The following GTF2IRD1 variants were observed in gnomAD, a reference collection of about 807,000 sequenced individuals.
GTF2IRD1 encodes GTF2I repeat domain containing 1.
GTF2IRD1 carries 26 observed loss-of-function variants against 113.2 expected under a neutral mutation model. The ratio of observed to expected loss-of-function variants is 0.23; its 90% confidence interval spans 0.17 to 0.32. The LOEUF (loss-of-function observed/expected upper bound fraction) is 0.32. Ranked by LOEUF, GTF2IRD1 falls within the 10% of genes least tolerant of loss-of-function variation. The pLI, the probability that GTF2IRD1 is intolerant of heterozygous loss-of-function variation, is 1.00. For synonymous variants in GTF2IRD1, 484 were observed against 529.1 expected, an observed-to-expected ratio of 0.91 and a Z score of 1.17; for missense variants, 864 against 1,280.8, an observed-to-expected ratio of 0.67 and a Z score of 4.97.
chr7:74,486,106 G>A (rs1554335540), intron 1 of GTF2IRD1, among the ~76,000 whole-genome samples: 2 of 152,004 alleles, frequency 1.3e-5, no homozygotes, highest in African/African-American at 4.8e-5. Flanking sequence ...GAGTAGCTGG[G>A]ATTATAGGTG....
chr7:74,580,217 G>A (rs1801330414), intron 22 of GTF2IRD1, among the ~76,000 whole-genome samples: 1 of 152,178 alleles, frequency 6.6e-6, no homozygotes, highest in Non-Finnish European at 1.5e-5. Flanking sequence ...TGGTGCAATC[G>A]CTGCAGCCGT....
At chr7:74,562,555 C>CTTT (rs1167468655) in intron 22 of GTF2IRD1, among the ~76,000 whole-genome samples, 834 of 62,688 alleles carry the variant, frequency 0.013, 193 homozygotes, top group African/African-American at 0.047. Flanking sequence ...CAATTGCCCT[C>CTTT]TTTTTTTTTT....
At chr7:74,491,856 C>T (rs1795365536) in intron 1 of GTF2IRD1, among the ~76,000 whole-genome samples, 1 of 152,118 alleles carries the variant, frequency 6.6e-6, no homozygotes, top group Admixed American at 6.6e-5. Context: ...TAAGGGATTG[C>T]CGGGTCCAAT....
chr7:74,510,045 G>T (rs1584556188), intron 2 of GTF2IRD1, among the ~76,000 whole-genome samples: 2 of 152,068 alleles, frequency 1.3e-5, no homozygotes, highest in East Asian at 1.9e-4. Flanking sequence ...CCTCCTTCAA[G>T]CTGTTCCTGC....
chr7:74,498,713 C>T (rs1330883318), intron 1 of GTF2IRD1, among the ~76,000 whole-genome samples: 1 of 149,250 alleles, frequency 6.7e-6, no homozygotes, highest in Non-Finnish European at 1.5e-5. Context: ...GTCCTTCTTT[C>T]GTGGTCCTGT....
rs576870700 is a variant in GTF2IRD1 at position 74,495,407 on chromosome 7, G to T, written c.-6-12668G>T. Among the ~76,000 whole-genome samples, 4 of 152,326 alleles carry T rather than the reference G, an allele frequency of 2.6e-5. No homozygotes were observed. The East Asian group carries it at 7.7e-4, about 29-fold the overall frequency. On this transcript the variant is annotated intron_variant, in intron 1 of 26. Transcript: ENST00000424337. ...ACGTCACACCCCATCGGGCTCCCTT[G>T]TGCCTTAGTGCCTTTGCCTGAGCTG...
At chr7:74,483,620 G>A (rs1165068357) in intron 1 of GTF2IRD1, among the ~76,000 whole-genome samples, 1 of 152,060 alleles carries the variant, frequency 6.6e-6, no homozygotes, top group Non-Finnish European at 1.5e-5. Flanking sequence ...TGAGGCAGGC[G>A]GATGGCTGGA....
intron 25 of GTF2IRD1, 57 bp downstream of exon 25, chr7:74,595,108 AT>A (rs1408991168): frequency 2.2e-6 from 3 of 1,335,802 alleles, no homozygotes; most frequent in Admixed American, 1.9e-5. Context: ...AGACTGTTCC[AT>A]TTGAAAAAAG....
intron 2 of GTF2IRD1, among the ~76,000 whole-genome samples, chr7:74,508,552 G>A (rs534531996): frequency 9.9e-5 from 15 of 152,158 alleles, no homozygotes; most frequent in South Asian, 4.2e-4. Context: ...TTAGCTGGGC[G>A]TGGTGGCATG....
At chr7:74,518,362 G>A in intron 5 of GTF2IRD1, 40 bp downstream of exon 5, 1 of 1,508,040 alleles carries the variant, frequency 6.6e-7, no homozygotes, top group Non-Finnish European at 9.0e-7. Flanking sequence ...CTGGGGCTGG[G>A]CCAGGGCCGG....
chr7:74,540,566 G>C (rs1437343161), intron 14 of GTF2IRD1, among the ~76,000 whole-genome samples: 1 of 151,942 alleles, frequency 6.6e-6, no homozygotes, highest in Non-Finnish European at 1.5e-5. Context: ...CCTGTGTAAG[G>C]GGCTGGAGAC....
At chr7:74,454,712 C>T (rs1035833411) in intron 1 of GTF2IRD1, among the ~76,000 whole-genome samples, 6 of 151,834 alleles carry the variant, frequency 4.0e-5, no homozygotes, top group African/African-American at 1.5e-4. Flanking sequence ...CCCGCCCCGG[C>T]CCCGGGGAGG....
At chr7:74,457,044 G>A (rs918874114) in intron 1 of GTF2IRD1, among the ~76,000 whole-genome samples, 1 of 151,588 alleles carries the variant, frequency 6.6e-6, no homozygotes, top group Non-Finnish European at 1.5e-5. Context: ...AGGCTGGGGT[G>A]CAGTAGTGTG....
chr7:74,482,864 G>A (rs1031576373), intron 1 of GTF2IRD1, among the ~76,000 whole-genome samples: 42 of 152,282 alleles, frequency 2.8e-4, no homozygotes, highest in East Asian at 3.9e-4. Flanking sequence ...TCCAATAGAC[G>A]GGGCACCCAG....
chr7:74,599,763 T>TCCAC (rs1554373374), intron 25 of GTF2IRD1, among the ~76,000 whole-genome samples: 1 of 152,122 alleles, frequency 6.6e-6, no homozygotes, highest in African/African-American at 2.4e-5. Flanking sequence ...CCTCAGTCAA[T>TCCAC]CCACCCACCT....
intron 1 of GTF2IRD1, among the ~76,000 whole-genome samples, chr7:74,476,381 T>TTTTTTTTTTTTTG (rs1554333541): frequency 6.7e-6 from 1 of 149,008 alleles, no homozygotes; most frequent in Non-Finnish European, 1.5e-5. Context: ...TTTTTTTCTT[T>TTTTTTTTTTTTTG]TGAGACGGAG....
At chr7:74,464,136 C>T (rs1793566535) in intron 1 of GTF2IRD1, among the ~76,000 whole-genome samples, 1 of 152,168 alleles carries the variant, frequency 6.6e-6, no homozygotes, top group Admixed American at 6.6e-5. Flanking sequence ...AGTGGCTATT[C>T]TGGTGAATGT....
chr7:74,507,593 A>G (rs1554341428), intron 1 of GTF2IRD1: 1 of 156,540 alleles, frequency 6.4e-6, no homozygotes, highest in African/African-American at 2.4e-5. Context: ...AAGCATGAAC[A>G]TCGGTACATC....
intron 7 of GTF2IRD1, among the ~76,000 whole-genome samples, chr7:74,523,040 G>A (rs1797380998): frequency 6.6e-6 from 1 of 152,114 alleles, no homozygotes; most frequent in Admixed American, 6.6e-5. Context: ...GAGGTACAAG[G>A]GTTAGATTCT....
Sources: gnomAD v4.1 joint callset for allele counts (sites outside exome capture counted in the v4.1 genomes callset) on GRCh38, gnomAD v4.1.1 for gene constraint, MANE v1.5 for transcripts, NCBI Gene and HGNC (gene_info 2026-07-23, HGNC 2026-07-21) for gene names.